DGKB: variants seen among roughly 807,000 people sequenced by gnomAD.
The protein encoded by DGKB is diacylglycerol kinase beta.
Under a neutral mutation model 114.3 loss-of-function variants are expected in DGKB, and 67 were observed. The observed-to-expected ratio is 0.59, with a 90% CI of 0.48 to 0.72. The LOEUF (loss-of-function observed/expected upper bound fraction) is 0.72, where lower values mean the gene tolerates loss of function less well. DGKB is among the 30% of genes least tolerant of loss of function. The pLI is 0.00. For synonymous variants in DGKB, 398 were observed against 323.1 expected (o/e 1.23, Z -2.49); for missense variants, 907 against 975.2 (o/e 0.93, Z 0.93).
chr7:14,904,401 T>A (rs1433090149), upstream of DGKB, among the ~76,000 whole-genome samples: 1 of 152,124 alleles, frequency 6.6e-6, no homozygotes, highest in African/African-American at 2.4e-5. Flanking sequence ...TGTTAGGGCT[T>A]GTGTAATCAG....
At chr7:14,532,241 G>C (rs1239893795) in intron 20 of DGKB, among the ~76,000 whole-genome samples, 1 of 116,506 alleles carries the variant, frequency 8.6e-6, no homozygotes, top group East Asian at 4.0e-4. Flanking sequence ...AATGTCATGA[G>C]ACCTACAAAA....
At chr7:14,276,829 AATT>A (rs1268923391) in intron 23 of DGKB, among the ~76,000 whole-genome samples, 5 of 151,978 alleles carry the variant, frequency 3.3e-5, no homozygotes, top group South Asian at 2.1e-4. Flanking sequence ...ATATTTTTAA[AATT>A]ATTATTATTG....
chr7:14,218,797 G>T lies in DGKB; in HGVS notation c.2123-40646C>A, dbSNP rs180900415. ...TCACCCATTTAAAGTGTGAAATTCA[G>T]TTTTTTTTAGTATATTCAAAGTTAT... is the stretch of plus-strand genomic sequence containing the variant. On this transcript the variant is annotated intron_variant, in intron 23 of 25. Coordinates refer to ENST00000402815, the MANE Select transcript of DGKB (RefSeq NM_001350709.2). 4.8e-3 allele frequency among the ~76,000 whole-genome samples: 723 copies of T among 151,656 alleles called. 7 individuals carry two copies. Among genetic ancestry groups the T allele is most frequent in the Admixed American group, 9.0e-3 (137 of 15,232 alleles).
At chr7:14,940,158 G>T (rs1026867433) in intron 1 of DGKB, among the ~76,000 whole-genome samples, 3 of 152,058 alleles carry the variant, frequency 2.0e-5, no homozygotes, top group African/African-American at 7.2e-5. Flanking sequence ...TTTCAGTACT[G>T]TGTGCCTTAC....
upstream of DGKB, among the ~76,000 whole-genome samples, chr7:14,906,826 T>C (rs1243843552): frequency 6.6e-6 from 1 of 152,202 alleles, no homozygotes; most frequent in Non-Finnish European, 1.5e-5. Context: ...TTAATGTTTT[T>C]CAACAAACAT....
chr7:14,335,115 T>G (rs1294369109), intron 23 of DGKB, among the ~76,000 whole-genome samples: 2 of 152,186 alleles, frequency 1.3e-5, no homozygotes, highest in Non-Finnish European at 2.9e-5. Context: ...AATGAACTTA[T>G]TGAAGATATT....
intron 12 of DGKB, among the ~76,000 whole-genome samples, chr7:14,678,449 C>A (rs375732590): frequency 6.6e-6 from 1 of 152,016 alleles, no homozygotes; most frequent in African/African-American, 2.4e-5. Context: ...TTCAAGGGAC[C>A]GGGATGAACA....
At chr7:14,487,583 C>CTTTTTTTT (rs11433526) in intron 20 of DGKB, among the ~76,000 whole-genome samples, 1 of 125,922 alleles carries the variant, frequency 7.9e-6, no homozygotes, top group Non-Finnish European at 1.6e-5. Context: ...AAGAAAATTC[C>CTTTTTTTT]TTTTTTTTTT....
intron 20 of DGKB, among the ~76,000 whole-genome samples, chr7:14,558,094 T>G (rs911275209): frequency 6.6e-5 from 10 of 150,578 alleles, no homozygotes; most frequent in African/African-American, 2.4e-4. Flanking sequence ...TCTTTATATA[T>G]ATCTATATGG....
intron 23 of DGKB, among the ~76,000 whole-genome samples, chr7:14,244,481 C>A (rs1338371893): frequency 6.7e-6 from 1 of 148,608 alleles, no homozygotes; most frequent in Non-Finnish European, 1.5e-5. Context: ...ACGGTGAAAC[C>A]CCGTCTCTAC....
chr7:14,302,448 G>A (rs1388290765), intron 23 of DGKB, among the ~76,000 whole-genome samples: 1 of 152,034 alleles, frequency 6.6e-6, no homozygotes, highest in Non-Finnish European at 1.5e-5. Context: ...ATATTACTCT[G>A]TATTGAAAAT....
At chr7:14,497,200 A>C (rs1391014458) in intron 20 of DGKB, among the ~76,000 whole-genome samples, 3 of 151,672 alleles carry the variant, frequency 2.0e-5, no homozygotes, top group Non-Finnish European at 2.9e-5. Context: ...GGAGAAAGAA[A>C]GGGGGAAAAG....
At chr7:14,177,066 T>G (rs1781857553) in intron 24 of DGKB, among the ~76,000 whole-genome samples, 167 bp from the exon 25 acceptor site, 1 of 152,136 alleles carries the variant, frequency 6.6e-6, no homozygotes. Flanking sequence ...ATAAATACCC[T>G]GAAAAGTACC....
At chr7:14,827,699 A>G (rs556845061) in intron 2 of DGKB, among the ~76,000 whole-genome samples, 2 of 152,042 alleles carry the variant, frequency 1.3e-5, no homozygotes, top group Non-Finnish European at 2.9e-5. Flanking sequence ...CGCCTTATGG[A>G]GAAGAAAGAC....
At chr7:14,948,222 T>C (rs534582013) in intron 1 of DGKB, among the ~76,000 whole-genome samples, 3 of 151,936 alleles carry the variant, frequency 2.0e-5, no homozygotes, top group African/African-American at 7.2e-5. Flanking sequence ...TAAGGGATAA[T>C]TTATTTTAAC....
rs528239845 is a variant in DGKB, at chr7:14,477,178, A to G, written c.1835+983T>C. On this transcript the variant is annotated intron_variant, in intron 21 of 25. Transcript: ENST00000402815. ...TAGAAAACTATAAAACAATTTTGAAATAGTTTTTAACAGCATTTTATTTAT... is the reference window on the plus strand; with the variant it reads ...TAGAAAACTATAAAACAATTTTGAAGTAGTTTTTAACAGCATTTTATTTAT... 2.3e-3 allele frequency among the ~76,000 whole-genome samples: 354 copies of G among 152,326 alleles called. 3 individuals are homozygous for G. The highest frequency in any genetic ancestry group is 6.8e-3 in the Middle Eastern group (2 of 294).
chr7:14,806,255 T>C (rs1358514779), intron 2 of DGKB, among the ~76,000 whole-genome samples: 1 of 152,064 alleles, frequency 6.6e-6, no homozygotes, highest in Non-Finnish European at 1.5e-5. Flanking sequence ...ATATTCTTCA[T>C]CCAATTGATA....
chr7:14,436,209 C>A (rs957985266), intron 21 of DGKB, among the ~76,000 whole-genome samples: 6 of 152,026 alleles, frequency 3.9e-5, no homozygotes, highest in African/African-American at 1.4e-4. Context: ...TACACTGGAT[C>A]TCATGTTAAG....
chr7:14,177,048 C>A, intron 24 of DGKB, 149 bp from the exon 25 acceptor site: 1 of 773,420 alleles, frequency 1.3e-6, no homozygotes, highest in Admixed American at 2.6e-5. Context: ...TTCAACTCTC[C>A]ACTATTAATA....
Sources: allele counts gnomAD v4.1 joint callset (sites outside exome capture counted in the v4.1 genomes callset), GRCh38; gene constraint gnomAD v4.1.1; transcripts MANE v1.5; gene names NCBI Gene and HGNC (gene_info 2026-07-23, HGNC 2026-07-21).